Variants in SLC12A2 observed in about 807,000 individuals in gnomAD.
The protein encoded by SLC12A2 is Na-K-2Cl cotransporter 1.
SLC12A2 carries 67 observed loss-of-function variants against 136.3 expected under a neutral mutation model. That is an observed-to-expected ratio of 0.49 (90% CI 0.40 to 0.60). The LOEUF (loss-of-function observed/expected upper bound fraction) is 0.60, where lower values mean the gene tolerates loss of function less well. Ranked by LOEUF, SLC12A2 falls within the 20% of genes least tolerant of loss-of-function variation. The pLI is 0.00. For synonymous variants in SLC12A2, 619 were observed against 562.9 expected, an observed-to-expected ratio of 1.10 and a Z score of -1.41; for missense variants, 1,322 against 1,534.7, an observed-to-expected ratio of 0.86 and a Z score of 2.32.
chr5:128,160,244 G>T (rs1394020984), intron 16 of SLC12A2, among the ~76,000 whole-genome samples: 3 of 151,956 alleles, frequency 2.0e-5, no homozygotes, highest in Non-Finnish European at 4.4e-5. Context: ...GTTGGGAGGT[G>T]GGGGGGCTCG....
intron 1 of SLC12A2, among the ~76,000 whole-genome samples, chr5:128,089,365 C>G (rs1276917543): frequency 2.0e-5 from 3 of 151,984 alleles, no homozygotes. Flanking sequence ...AGCCACTGCG[C>G]TTCAGCATGG....
chr5:128,084,332 C>G lies in SLC12A2; in HGVS notation c.378C>G (p.Ser126Arg). The change falls in exon 1 of 27, where the codon AGC becomes AGG. Residue 126 changes from serine to arginine, a missense_variant. Around this residue, in one of 8 missense-constraint regions of SLC12A2, gnomAD observed 358 missense variants for 299.7 expected, o/e 1.19. Transcript: ENST00000262461. The surrounding 1 kb of genome is among the most constrained non-coding windows in gnomAD (Gnocchi z 5.6). ...CGGACGGGGAAGCCAGCGGCGAGAG[C>G]GAGCCGGCTAAAGGCAGCGAGGAAG... ...TPADGEASGESEPAKGSEEAK... is the reference protein window; with the variant it reads ...TPADGEASGEREPAKGSEEAK... The G allele has an allele frequency of 6.4e-7, 1 of 1,568,574 alleles. No individual in the cohort carries two copies. The highest frequency in any genetic ancestry group is 8.6e-7 in the Non-Finnish European group (1 of 1,162,268).
rs1763684146 is a variant in SLC12A2 at position 128,180,874 on chromosome 5, A to G, written c.3101-9A>G. On this transcript the variant is annotated splice_polypyrimidine_tract_variant and intron_variant, in intron 22 of 26. Transcript: ENST00000262461. ...TTAGTAAATGATTTATTACATTTTT[A>G]TAATTCAGGTTTGACCTTATTGATA... The G allele has an allele frequency of 6.8e-7, 1 of 1,460,292 alleles. No homozygotes were observed. Among genetic ancestry groups the G allele is most frequent in the Non-Finnish European group, 9.5e-7 (1 of 1,051,536 alleles). The allele number at this position is 1,460,292 out of a possible 1,614,324, so 90.5% of individuals were successfully genotyped here.
At chr5:128,111,863 G>T (rs1048407711) in intron 1 of SLC12A2, among the ~76,000 whole-genome samples, 27 of 151,342 alleles carry the variant, frequency 1.8e-4, no homozygotes, top group Admixed American at 7.9e-4. Flanking sequence ...ATTCACTAAA[G>T]GATGTGAAGT....
chr5:128,144,756 C>T (rs1476799565), intron 10 of SLC12A2, among the ~76,000 whole-genome samples: 1 of 152,034 alleles, frequency 6.6e-6, no homozygotes, highest in Non-Finnish European at 1.5e-5. Flanking sequence ...TTGGAATGCA[C>T]CTGTGGTTTA....
At chr5:128,110,618 C>T (rs1251326018) in intron 1 of SLC12A2, 16 of 1,055,242 alleles carry the variant, frequency 1.5e-5, no homozygotes, top group Non-Finnish European at 2.4e-5. Flanking sequence ...TATCACCTGC[C>T]ATATTTACTA....
chr5:128,152,296 A>G (rs903246162), intron 14 of SLC12A2, among the ~76,000 whole-genome samples: 25 of 152,338 alleles, frequency 1.6e-4, no homozygotes, highest in Non-Finnish European at 3.1e-4. Context: ...TGTTTATTCA[A>G]TAAGAAATAA....
chr5:128,148,000 G>C (rs1181116047), intron 11 of SLC12A2, among the ~76,000 whole-genome samples: 1 of 151,528 alleles, frequency 6.6e-6, no homozygotes, highest in Non-Finnish European at 1.5e-5. Flanking sequence ...GACATTTTTA[G>C]CATACATTTT....
rs1195082519 is a variant in SLC12A2, at chr5:128,111,053, G to T, written c.757-1761G>T. 15 of 635,600 alleles carry T rather than the reference G, an allele frequency of 2.4e-5. No homozygotes were observed. In the Admixed American group the frequency reaches 2.4e-4, roughly 10 times the overall value. 39.4% of individuals were successfully genotyped at this position (635,600 alleles called of 1,614,324 possible). On this transcript the variant is annotated intron_variant, in intron 1 of 26. Coordinates refer to ENST00000262461, the MANE Select transcript of SLC12A2 (RefSeq NM_001046.3). Reference sequence around the variant, plus strand: ...TGCTCTGAAGACTCTTAACTAAAAAGAATTTTTTTAAGTATTAATTCCATG... The same window carrying T: ...TGCTCTGAAGACTCTTAACTAAAAATAATTTTTTTAAGTATTAATTCCATG...
chr5:128,131,266 G>C, intron 5 of SLC12A2, 60 bp downstream of exon 5: 1 of 1,529,808 alleles, frequency 6.5e-7, no homozygotes, highest in Non-Finnish European at 9.1e-7. Context: ...ATTATATGCC[G>C]ATCACCATGT....
chr5:128,113,731 T>G (rs536466573), intron 2 of SLC12A2, among the ~76,000 whole-genome samples: 1 of 152,032 alleles, frequency 6.6e-6, no homozygotes, highest in Non-Finnish European at 1.5e-5. Flanking sequence ...GGGGAAACTT[T>G]TACAACTAAT....
intron 19 of SLC12A2, among the ~76,000 whole-genome samples, chr5:128,172,852 G>A (rs887497504): frequency 2.6e-5 from 4 of 152,034 alleles, no homozygotes; most frequent in African/African-American, 7.2e-5. Context: ...TTGGGAAGCT[G>A]AGGCAGGAGA....
chr5:128,109,513 T>G (rs970480435), intron 1 of SLC12A2: 1 of 611,252 alleles, frequency 1.6e-6, no homozygotes, highest in South Asian at 1.7e-5. Flanking sequence ...GCTTTATTGC[T>G]TCTTTCTGGG....
intron 4 of SLC12A2, among the ~76,000 whole-genome samples, chr5:128,126,896 G>A (rs1440509535): frequency 3.2e-5 from 4 of 125,334 alleles, no homozygotes; most frequent in Non-Finnish European, 4.8e-5. Flanking sequence ...TGCATCTGTT[G>A]AACTGTATGT....
At chr5:128,150,992 G>A (rs1330584479) in intron 13 of SLC12A2, among the ~76,000 whole-genome samples, 1 of 151,110 alleles carries the variant, frequency 6.6e-6, no homozygotes, top group Non-Finnish European at 1.5e-5. Context: ...AGAGTTTATT[G>A]AATACAGAAC....
chr5:128,152,787 AC>A lies in SLC12A2; in HGVS notation c.2347del (p.His783ThrfsTer2). 6.2e-7 allele frequency: 1 copy of A among 1,611,844 alleles called. No homozygotes were observed. The highest frequency in any genetic ancestry group is 8.5e-7 in the Non-Finnish European group (1 of 1,177,984). On this transcript the variant is annotated frameshift_variant, in exon 15 of 27. Coordinates refer to ENST00000262461, the MANE Select transcript of SLC12A2 (RefSeq NM_001046.3). LOFTEE classifies it high-confidence loss of function. ...TCAATTCGTCTTTCTGGAGTGGAAG[AC>A]CACGTGAAAAACTTTAGGTAAGTGA... is the stretch of plus-strand genomic sequence containing the variant. ...QHSIRLSGVEDHVKNFRPQCL... is the reference protein window; with the variant it reads ...QHSIRLSGVEXHVKNFRPQCL...
At chr5:128,121,174 T>C (rs1761561014) in intron 4 of SLC12A2, among the ~76,000 whole-genome samples, 1 of 152,302 alleles carries the variant, frequency 6.6e-6, no homozygotes, top group African/African-American at 2.4e-5. Context: ...TATTAACTTG[T>C]AAACAAATGT....
At chr5:128,174,072 A>G (rs1446574635) in intron 19 of SLC12A2, among the ~76,000 whole-genome samples, 1 of 152,152 alleles carries the variant, frequency 6.6e-6, no homozygotes, top group African/African-American at 2.4e-5. Context: ...TTCACATACT[A>G]TGTATTACTG....
rs749878530 is a variant in SLC12A2, at chr5:128,184,397, T to TA, written c.3332dup (p.Tyr1111Ter). ...IIAFEEIIEP[Y>*]RLHEDDKEQD... Reference sequence around the variant, plus strand: ...AGCTTTTGAGGAAATCATTGAGCCATACAGACTTCATGAAGATGATAAAGA... The same window carrying TA: ...AGCTTTTGAGGAAATCATTGAGCCATAACAGACTTCATGAAGATGATAAAGA... Residue 1111 changes from tyrosine (Y) to a stop codon, truncating the protein, a stop_gained and frameshift_variant, in exon 25 of 27, where the codon TAC becomes TAAC. Coordinates refer to ENST00000262461, the MANE Select transcript of SLC12A2 (RefSeq NM_001046.3). LOFTEE classifies it high-confidence loss of function. 6.3e-7 allele frequency: 1 copy of TA among 1,590,162 alleles called. No homozygotes were observed. The highest frequency in any genetic ancestry group is 8.6e-7 in the Non-Finnish European group (1 of 1,165,542).
Sources: allele counts gnomAD v4.1 joint callset (sites outside exome capture counted in the v4.1 genomes callset), GRCh38; gene constraint gnomAD v4.1.1; regional missense constraint gnomAD v4.1.1; non-coding constraint Gnocchi (gnomAD v3.1); transcripts MANE v1.5; gene names NCBI Gene and HGNC (gene_info 2026-07-23, HGNC 2026-07-21).